The following CTNNA3 variants were observed in gnomAD, a reference collection of about 807,000 sequenced individuals.
CTNNA3 encodes catenin alpha-3.
CTNNA3 carries 76 observed loss-of-function variants against 95.7 expected under a neutral mutation model. The ratio of observed to expected loss-of-function variants is 0.79; its 90% CI spans 0.66 to 0.96. CTNNA3 has a LOEUF of 0.96. CTNNA3 is among the 40% of genes least tolerant of loss of function. The probability of loss-of-function intolerance (pLI) is 0.00; values close to 1 mark genes in which losing one functional copy is unlikely to be tolerated. For missense variants in CTNNA3, 1,191 were observed against 1,089.8 expected (o/e 1.09, Z -1.31); for synonymous variants, 431 against 374.4 (o/e 1.15, Z -1.74).
chr10:67,561,657 T>C (rs938199304), intron 3 of CTNNA3, among the ~76,000 whole-genome samples: 24 of 148,902 alleles, frequency 1.6e-4, no homozygotes, highest in Admixed American at 1.2e-3. Flanking sequence ...CTGAAGGAAA[T>C]AGAGACACAA....
chr10:66,959,968 C>G (rs895484124), intron 7 of CTNNA3, among the ~76,000 whole-genome samples: 1 of 152,252 alleles, frequency 6.6e-6, no homozygotes, highest in Admixed American at 6.5e-5. Context: ...AACAACAGAT[C>G]CTGCTACAAG....
At chr10:67,423,468 G>C (rs1234106361) in intron 5 of CTNNA3, among the ~76,000 whole-genome samples, 1 of 152,158 alleles carries the variant, frequency 6.6e-6, no homozygotes. Context: ...TCATAGAGAA[G>C]TCAGCCTGAG....
rs554746148 is a variant in CTNNA3, at chr10:66,136,529, AT to A, written c.1885-33281del. On this transcript the variant is annotated intron_variant, in intron 13 of 17. Coordinates refer to ENST00000433211, the MANE Select transcript of CTNNA3 (RefSeq NM_013266.4). ...TTTTTGGTGTTACAAGGTAATTGTTATACACACAGCAAAATATAAGTTTAGT... is the reference window on the plus strand; with the variant it reads ...TTTTTGGTGTTACAAGGTAATTGTTAACACACAGCAAAATATAAGTTTAGT... Among the ~76,000 whole-genome samples the A allele has an allele frequency of 2.8e-4, 42 of 151,876 alleles. No individual in the cohort carries two copies. The South Asian group carries it at 7.5e-3, about 27-fold the overall frequency.
At chr10:66,119,550 T>A (rs1262552412) in intron 13 of CTNNA3, among the ~76,000 whole-genome samples, 5 of 152,172 alleles carry the variant, frequency 3.3e-5, no homozygotes, top group Non-Finnish European at 5.9e-5. Flanking sequence ...CACTTTTTGA[T>A]CCCTCCTAGG....
chr10:67,226,690 T>G (rs976181325), intron 5 of CTNNA3, among the ~76,000 whole-genome samples: 1 of 152,178 alleles, frequency 6.6e-6, no homozygotes, highest in Non-Finnish European at 1.5e-5. Context: ...AATTTACCAT[T>G]ACCAAGCCAC....
In CTNNA3 at chr10:66,621,674, G is replaced by T. The variant is rs760809155; in HGVS notation, c.1374+18C>A. ...TTATATATAATTTTACACACAAAAA[G>T]TAACTTAGTTGTCATACCTGTGGAC... On this transcript the variant is annotated intron_variant, in intron 10 of 17. Transcript: ENST00000433211. 3 of 1,439,642 alleles carry T rather than the reference G, an allele frequency of 2.1e-6. No homozygotes were observed. Among genetic ancestry groups the T allele is most frequent in the Non-Finnish European group, 2.9e-6 (3 of 1,038,322 alleles). The allele number at this position is 1,439,642 out of a possible 1,614,324, so 89.2% of individuals were successfully genotyped here.
chr10:66,811,474 A>G (rs1841871875), intron 7 of CTNNA3, among the ~76,000 whole-genome samples: 1 of 152,200 alleles, frequency 6.6e-6, no homozygotes, highest in African/African-American at 2.4e-5. Context: ...ATGCATAGTA[A>G]TAAAATCACT....
intron 11 of CTNNA3, among the ~76,000 whole-genome samples, chr10:66,488,768 T>C (rs1037857572): frequency 9.2e-5 from 14 of 152,100 alleles, no homozygotes; most frequent in African/African-American, 3.4e-4. Context: ...TGAAACATCA[T>C]AGGAGCTAGA....
At chr10:66,476,917 C>T (rs1839346952) in intron 11 of CTNNA3, among the ~76,000 whole-genome samples, 1 of 151,956 alleles carries the variant, frequency 6.6e-6, no homozygotes, top group African/African-American at 2.4e-5. Flanking sequence ...TTTCTCATGT[C>T]CTCCTAAGTC....
chr10:66,003,527 G>GA (rs567626456), intron 15 of CTNNA3, among the ~76,000 whole-genome samples: 13 of 152,018 alleles, frequency 8.6e-5, no homozygotes, highest in East Asian at 1.9e-4. Context: ...CATGGAGGGG[G>GA]AAAAATCCCA....
intron 1 of CTNNA3, among the ~76,000 whole-genome samples, chr10:67,668,185 T>TA (rs1012125727): frequency 3.6e-4 from 54 of 152,076 alleles, no homozygotes; most frequent in African/African-American, 1.1e-3. Context: ...ATTTGTAGAT[T>TA]AAAAAAAATT....
At chr10:66,682,488 T>C (rs927034405) in intron 9 of CTNNA3, among the ~76,000 whole-genome samples, 1 of 151,804 alleles carries the variant, frequency 6.6e-6, no homozygotes, top group Non-Finnish European at 1.5e-5. Flanking sequence ...AAGACAGACA[T>C]AGAGAGCAAG....
At chr10:67,253,468 G>A (rs1183289778) in intron 5 of CTNNA3, among the ~76,000 whole-genome samples, 1 of 152,152 alleles carries the variant, frequency 6.6e-6, no homozygotes, top group African/African-American at 2.4e-5. Flanking sequence ...AGGAAAATGT[G>A]GAGAGTTAAA....
intron 5 of CTNNA3, among the ~76,000 whole-genome samples, chr10:67,371,893 G>A (rs1252586578): frequency 1.3e-5 from 2 of 152,162 alleles, no homozygotes; most frequent in Admixed American, 6.5e-5. Context: ...AGCACCTGCT[G>A]TTTCCTGACT....
At chr10:67,215,509 T>C (rs556882725) in intron 6 of CTNNA3, among the ~76,000 whole-genome samples, 2 of 152,242 alleles carry the variant, frequency 1.3e-5, no homozygotes, top group African/African-American at 4.8e-5. Context: ...TCTGGAGGTA[T>C]TGCCAGGATA....
At chr10:67,301,643 A>C (rs947208063) in intron 5 of CTNNA3, among the ~76,000 whole-genome samples, 1 of 152,176 alleles carries the variant, frequency 6.6e-6, no homozygotes, top group Non-Finnish European at 1.5e-5. Context: ...TGGTATATAT[A>C]TATATAAGGA....
intron 7 of CTNNA3, among the ~76,000 whole-genome samples, chr10:66,777,781 A>ACACACACACACACACG (rs1564676469): frequency 4.8e-5 from 6 of 124,134 alleles, no homozygotes. Context: ...ACACACACAC[A>ACACACACACACACACG]CACACACACA....
At chr10:67,669,248 T>C (rs1396378764) in intron 1 of CTNNA3, among the ~76,000 whole-genome samples, 2 of 152,160 alleles carry the variant, frequency 1.3e-5, no homozygotes, top group African/African-American at 4.8e-5. Flanking sequence ...AAGTTTGAGG[T>C]GCAGTGGCAT....
chr10:67,358,315 T>C (rs1252412063), intron 5 of CTNNA3, among the ~76,000 whole-genome samples: 1 of 152,014 alleles, frequency 6.6e-6, no homozygotes, highest in African/African-American at 2.4e-5. Flanking sequence ...AAGACACTAT[T>C]ACAAAAATGA....
Sources: allele counts gnomAD v4.1 joint callset (sites outside exome capture counted in the v4.1 genomes callset), GRCh38; gene constraint gnomAD v4.1.1; transcripts MANE v1.5; gene names NCBI Gene and HGNC (gene_info 2026-07-23, HGNC 2026-07-21).